Variants in RNF125 observed in about 807,000 individuals in gnomAD.
RNF125 encodes ring finger protein 125.
In RNF125, 21 loss-of-function variants were observed where a neutral mutation model predicts 26.0. That is an observed-to-expected ratio of 0.81 (90% CI 0.57 to 1.16). RNF125 has a LOEUF of 1.16. RNF125 is among the 50% of genes most tolerant of loss of function. The pLI is 0.00. For synonymous variants in RNF125, 95 were observed against 109.2 expected (o/e 0.87, Z 0.81); for missense variants, 270 against 299.4 (o/e 0.90, Z 0.72).
chr18:32,085,566 C>T, the RNF125 span, among the ~76,000 whole-genome samples: 121 of 151,170 alleles, frequency 8.0e-4, 1 homozygote, highest in South Asian at 6.7e-3. Context: ...CCGGGTGTGG[C>T]GGCGGGTGCC....
chr18:32,064,401 T>C (rs1370792937), intron 4 of RNF125, among the ~76,000 whole-genome samples: 6 of 121,530 alleles, frequency 4.9e-5, no homozygotes, highest in East Asian at 2.1e-4. Context: ...TTTTTCTTTT[T>C]TTTTTTTTTT....
At chr18:32,046,575 C>A (rs1342831865) in intron 4 of RNF125, among the ~76,000 whole-genome samples, 1 of 128,654 alleles carries the variant, frequency 7.8e-6, no homozygotes, top group Non-Finnish European at 1.6e-5. Context: ...CCAGCCTGAG[C>A]GACAGAGCGA....
downstream of RNF125, among the ~76,000 whole-genome samples, chr18:32,076,545 C>T (rs1010180815): frequency 4.6e-5 from 7 of 152,058 alleles, no homozygotes; most frequent in Non-Finnish European, 1.0e-4. Context: ...TCTTGGACTC[C>T]AGCCATTCTC....
At position 32,040,269 on chromosome 18, in the gene RNF125, C is replaced by CTTTT. The variant is rs1185186501; in HGVS notation, c.319-1893_319-1890dup. On this transcript the variant is annotated intron_variant, in intron 2 of 5. Coordinates refer to ENST00000217740, the MANE Select transcript of RNF125 (RefSeq NM_017831.4). Reference sequence around the variant, plus strand: ...GTTCCCTATATCAAACAATTTCTTTCTTTTTTTTTTTTTTTTTTTTGAGAC... The same window carrying CTTTT: ...GTTCCCTATATCAAACAATTTCTTTCTTTTTTTTTTTTTTTTTTTTTTTTGAGAC... Among the ~76,000 whole-genome samples, 202 of 104,440 alleles carry CTTTT rather than the reference C, an allele frequency of 1.9e-3. 1 individual carries two copies. The highest frequency in any genetic ancestry group is 2.3e-3 in the Non-Finnish European group (123 of 54,636). 68.5% of individuals were successfully genotyped at this position (104,440 alleles called of 152,430 possible). A position where few individuals can be genotyped will look rare whatever the true frequency, so the allele number is the denominator to read the frequency against.
chr18:32,080,082 G>A, the RNF125 span, among the ~76,000 whole-genome samples: 1 of 152,184 alleles, frequency 6.6e-6, no homozygotes, highest in Non-Finnish European at 1.5e-5. Flanking sequence ...AGGCTGGAGT[G>A]CAGTGGTGCA....
At chr18:32,061,642 G>T (rs992177459) in intron 4 of RNF125, among the ~76,000 whole-genome samples, 1 of 152,094 alleles carries the variant, frequency 6.6e-6, no homozygotes, top group Non-Finnish European at 1.5e-5. Context: ...CTCCCTGCTG[G>T]CCTGGCTGGC....
chr18:32,034,455 A>C (rs2039131883), intron 1 of RNF125, among the ~76,000 whole-genome samples: 1 of 152,160 alleles, frequency 6.6e-6, no homozygotes, highest in African/African-American at 2.4e-5. Flanking sequence ...CCTTTACGTG[A>C]TCTTGCAGAA....
intron 4 of RNF125, among the ~76,000 whole-genome samples, chr18:32,059,735 A>G (rs1340623101): frequency 3.3e-5 from 5 of 151,978 alleles, no homozygotes; most frequent in African/African-American, 1.2e-4. Flanking sequence ...TTCTTTTAGT[A>G]GTTTCATAGT....
chr18:32,079,810 T>C, the RNF125 span, among the ~76,000 whole-genome samples: 2 of 152,216 alleles, frequency 1.3e-5, no homozygotes, highest in Admixed American at 6.5e-5. Context: ...ATAGCTCTTA[T>C]AGGAGAAGCG....
At chr18:32,078,582 A>G in the RNF125 span, among the ~76,000 whole-genome samples, 1 of 152,036 alleles carries the variant, frequency 6.6e-6, no homozygotes, top group Non-Finnish European at 1.5e-5. Flanking sequence ...CAACGCTGCA[A>G]TGAGCTATGA....
intron 4 of RNF125, among the ~76,000 whole-genome samples, chr18:32,065,236 T>C (rs957967422): frequency 1.3e-4 from 20 of 152,158 alleles, no homozygotes; most frequent in Non-Finnish European, 7.4e-5. Flanking sequence ...ATTGTTTGTT[T>C]TGTTTTGTCT....
chr18:32,054,808 A>T (rs2039364471), intron 4 of RNF125, among the ~76,000 whole-genome samples: 1 of 152,222 alleles, frequency 6.6e-6, no homozygotes, highest in Admixed American at 6.5e-5. Context: ...GTGTCAAGTT[A>T]TGCTAGGTCT....
chr18:32,037,090 A>G, intron 1 of RNF125, 26 bp from the exon 2 acceptor site: 1 of 1,566,262 alleles, frequency 6.4e-7, no homozygotes, highest in Non-Finnish European at 8.6e-7. Context: ...AAGGAAAGTG[A>G]TGTATTTTTG....
chr18:32,037,223 A>C lies in RNF125; in HGVS notation c.272A>C (p.Lys91Thr). ...GGAGTTCCAGCAACTGATGTAGCCA[A>C]AAGAATGAAATCAGAGTATAAGAAC... Reference protein sequence around the residue: ...SEGVPATDVAKRMKSEYKNCA... With the variant: ...SEGVPATDVATRMKSEYKNCA... Residue 91 changes from lysine to threonine, a missense_variant, in exon 2 of 6, where the codon AAA becomes ACA. Transcript: ENST00000217740. The C allele has an allele frequency of 2.5e-6, 4 of 1,605,496 alleles. No homozygotes were observed. Among genetic ancestry groups the C allele is most frequent in the Non-Finnish European group, 3.4e-6 (4 of 1,176,956 alleles).
At chr18:32,040,071 G>T (rs9944826) in intron 2 of RNF125, among the ~76,000 whole-genome samples, 2 of 151,648 alleles carry the variant, frequency 1.3e-5, no homozygotes. Flanking sequence ...GAGCCACTGC[G>T]CCCAGCTTTG....
intron 1 of RNF125, among the ~76,000 whole-genome samples, chr18:32,019,705 G>T (rs1260411644): frequency 2.0e-5 from 3 of 152,036 alleles, no homozygotes; most frequent in African/African-American, 4.8e-5. Context: ...GCTAGGGTGG[G>T]GCTTGGACGT....
chr18:32,045,852 A>G (rs1598817403), intron 4 of RNF125, 120 bp downstream of exon 4: 3 of 617,882 alleles, frequency 4.9e-6, no homozygotes, highest in East Asian at 3.0e-5. Flanking sequence ...AGTTAAGGTT[A>G]TGGTAACTCT....
At chr18:32,083,374 C>T in the RNF125 span, among the ~76,000 whole-genome samples, 25 of 152,190 alleles carry the variant, frequency 1.6e-4, no homozygotes, top group African/African-American at 6.0e-4. Context: ...TACCTCCTTT[C>T]GAGAAAATAA....
chr18:32,023,135 C>G (rs1375466677), intron 1 of RNF125, among the ~76,000 whole-genome samples: 2 of 152,054 alleles, frequency 1.3e-5, no homozygotes, highest in Admixed American at 6.6e-5. Flanking sequence ...GTGCCTGCCA[C>G]CATGCCTGGC....
Sources: allele counts gnomAD v4.1 joint callset (sites outside exome capture counted in the v4.1 genomes callset), GRCh38; gene constraint gnomAD v4.1.1; transcripts MANE v1.5; gene names NCBI Gene and HGNC (gene_info 2026-07-23, HGNC 2026-07-21).